Variants in GMCL1 observed in about 807,000 individuals in gnomAD.
GMCL1 encodes germ cell-less 1, spermatogenesis associated.
In GMCL1, 54 loss-of-function variants were observed where a neutral mutation model predicts 75.5. The observed-to-expected ratio is 0.71, with a 90% CI of 0.57 to 0.90. The LOEUF (loss-of-function observed/expected upper bound fraction) is 0.90, where lower values mean the gene tolerates loss of function less well. GMCL1 is among the 40% of genes least tolerant of loss of function. The pLI, the probability that GMCL1 is intolerant of heterozygous loss-of-function variation, is 0.00. For synonymous variants in GMCL1, 210 were observed against 209.6 expected (o/e 1.00, Z -0.02); for missense variants, 537 against 622.7 (o/e 0.86, Z 1.47).
At chr2:69,840,805 A>T (rs1032030593) in intron 3 of GMCL1, 137 bp from the exon 4 acceptor site, 14 of 493,550 alleles carry the variant, frequency 2.8e-5, no homozygotes, top group Non-Finnish European at 4.6e-5. Flanking sequence ...AATTAGAGAT[A>T]CTTCTGTTAT....
At chr2:69,877,410 A>G (rs1023673204) in intron 13 of GMCL1, among the ~76,000 whole-genome samples, 1 of 152,230 alleles carries the variant, frequency 6.6e-6, no homozygotes, top group Admixed American at 6.5e-5. Flanking sequence ...TAGAAGGCTA[A>G]TCTTCCTCAG....
chr2:69,830,224 T>G, intron 1 of GMCL1, 72 bp downstream of exon 1: 1 of 1,487,606 alleles, frequency 6.7e-7, no homozygotes, highest in Non-Finnish European at 8.9e-7. Flanking sequence ...CGGCGCCTCG[T>G]GCGCTTGCGG....
intron 5 of GMCL1, 32 bp downstream of exon 5, chr2:69,843,293 C>A: frequency 2.5e-6 from 3 of 1,193,940 alleles, no homozygotes; most frequent in East Asian, 2.4e-5. Flanking sequence ...TCTTCCTATC[C>A]CACTTTTAGG....
chr2:69,875,025 A>G (rs1263711469), intron 13 of GMCL1, among the ~76,000 whole-genome samples: 1 of 152,144 alleles, frequency 6.6e-6, no homozygotes, highest in African/African-American at 2.4e-5. Context: ...GATTACAGGC[A>G]TGAGCCACCA....
Position 69,858,027 on chromosome 2 carries a change from A to C in GMCL1, c.1072+3067A>C, listed in dbSNP as rs1298157430. ...TGTGTAAAACTAGGGAAATAATCTA[A>C]ATAAATTCAATCTAATGTATCTCAT... On this transcript the variant is annotated intron_variant, in intron 9 of 13. Transcript: ENST00000282570. Among the ~76,000 whole-genome samples the C allele has an allele frequency of 2.0e-5, 3 of 152,214 alleles. No homozygotes were observed. In the East Asian group the frequency reaches 5.8e-4, roughly 29 times the overall value.
intron 2 of GMCL1, 42 bp from the exon 3 acceptor site, chr2:69,839,415 C>G (rs940815606): frequency 8.2e-7 from 1 of 1,220,144 alleles, no homozygotes; most frequent in East Asian, 2.4e-5. Context: ...TTGGAAGACA[C>G]AGAAAGTACT....
chr2:69,853,632 A>C (rs1378324545), intron 8 of GMCL1, among the ~76,000 whole-genome samples: 1 of 152,164 alleles, frequency 6.6e-6, no homozygotes, highest in African/African-American at 2.4e-5. Flanking sequence ...TTTAACAGAA[A>C]ACATAGACTA....
Position 69,879,168 on chromosome 2 carries a change from C to T in GMCL1, c.*164C>T, listed in dbSNP as rs1676210262. The stretch of plus-strand genomic sequence containing the variant: ...GGCCTTATGAACTGTACAGACAATA[C>T]AGAAGATTATTCTTATCCTCATTGC... On this transcript the variant is annotated 3_prime_UTR_variant, in exon 14 of 14. Transcript: ENST00000282570. 2.7e-5 allele frequency: 15 copies of T among 553,138 alleles called. No homozygotes were observed. Among genetic ancestry groups the T allele is most frequent in the South Asian group, 2.1e-4 (9 of 42,274 alleles). The allele number at this position is 553,138 out of a possible 1,614,324, so 34.3% of individuals were successfully genotyped here.
intron 10 of GMCL1, among the ~76,000 whole-genome samples, chr2:69,862,803 C>T (rs1005812176): frequency 1.3e-5 from 2 of 151,286 alleles, no homozygotes; most frequent in Admixed American, 6.6e-5. Flanking sequence ...AAATTGAAAT[C>T]AAAAAGTGAG....
chr2:69,850,729 G>A (rs1372182299), intron 8 of GMCL1, among the ~76,000 whole-genome samples: 1 of 152,164 alleles, frequency 6.6e-6, no homozygotes, highest in Non-Finnish European at 1.5e-5. Flanking sequence ...TCCTTGATTA[G>A]TACCATTTCT....
chr2:69,855,035 A>G, intron 9 of GMCL1, 75 bp downstream of exon 9: 4 of 1,163,954 alleles, frequency 3.4e-6, no homozygotes, highest in Non-Finnish European at 1.2e-6. Context: ...GAAAAGAACA[A>G]GGAAAGAAGT....
intron 9 of GMCL1, among the ~76,000 whole-genome samples, chr2:69,860,361 G>GA (rs1490328048): frequency 1.3e-5 from 2 of 151,764 alleles, no homozygotes; most frequent in Non-Finnish European, 2.9e-5. Flanking sequence ...TATTTTGTGG[G>GA]AAAAATATTT....
At chr2:69,842,687 T>G (rs1348917279) in intron 4 of GMCL1, 1 of 152,278 alleles carries the variant, frequency 6.6e-6, no homozygotes, top group Non-Finnish European at 1.5e-5. Context: ...TTGTTTTAAG[T>G]CTATCTCTTA....
chr2:69,845,463 T>C (rs1224426128), intron 6 of GMCL1, among the ~76,000 whole-genome samples: 1 of 152,184 alleles, frequency 6.6e-6, no homozygotes, highest in Admixed American at 6.5e-5. Context: ...TTTAAAGAGA[T>C]GGGGGCCTTG....
rs573567096 is a variant in GMCL1, at chr2:69,832,975, C to A, written c.260+2823C>A. 3.3e-5 allele frequency among the ~76,000 whole-genome samples: 5 copies of A among 152,274 alleles called. No individual in the cohort carries two copies. In the South Asian group the frequency reaches 1.0e-3, roughly 32 times the overall value. ...AAATTTGGAATAGGTGCCCCCACCCCTTTCCCAAGCTAAGATTCAGATGAT... is the reference window on the plus strand; with the variant it reads ...AAATTTGGAATAGGTGCCCCCACCCATTTCCCAAGCTAAGATTCAGATGAT... On this transcript the variant is annotated intron_variant, in intron 1 of 13. Coordinates refer to ENST00000282570, the MANE Select transcript of GMCL1 (RefSeq NM_178439.5).
intron 9 of GMCL1, among the ~76,000 whole-genome samples, chr2:69,856,725 A>G (rs1278509286): frequency 7.2e-6 from 1 of 139,034 alleles, no homozygotes; most frequent in African/African-American, 2.7e-5. Flanking sequence ...CTCACACCCT[A>G]CTAATATAGG....
chr2:69,835,193 G>A (rs1402092733), intron 1 of GMCL1, among the ~76,000 whole-genome samples: 4 of 151,910 alleles, frequency 2.6e-5, no homozygotes, highest in Non-Finnish European at 5.9e-5. Context: ...AAGCAAGGAA[G>A]GATCACCCAA....
At chr2:69,872,796 G>A (rs1315553586) in intron 13 of GMCL1, among the ~76,000 whole-genome samples, 3 of 152,150 alleles carry the variant, frequency 2.0e-5, no homozygotes, top group African/African-American at 7.2e-5. Context: ...TGTAACCTCT[G>A]CAGCTGAACA....
At chr2:69,864,721 C>A (rs1675759567) in intron 10 of GMCL1, among the ~76,000 whole-genome samples, 179 bp from the exon 11 acceptor site, 1 of 147,470 alleles carries the variant, frequency 6.8e-6, no homozygotes, top group African/African-American at 2.5e-5. Flanking sequence ...GATATTAAAT[C>A]TTTTTTATCT....
Sources: allele counts gnomAD v4.1 joint callset (sites outside exome capture counted in the v4.1 genomes callset), GRCh38; gene constraint gnomAD v4.1.1; transcripts MANE v1.5; gene names NCBI Gene and HGNC (gene_info 2026-07-23, HGNC 2026-07-21).